PIK3CD: variants seen among roughly 807,000 people sequenced by gnomAD.
The protein encoded by PIK3CD is phosphatidylinositol 4,5-bisphosphate 3-kinase catalytic subunit delta isoform.
Under a neutral mutation model 122.9 loss-of-function variants are expected in PIK3CD, and 20 were observed. The observed-to-expected ratio is 0.16, with a 90% confidence interval of 0.11 to 0.24. PIK3CD has a LOEUF of 0.24. PIK3CD is among the 10% of genes least tolerant of loss of function. PIK3CD has a pLI of 1.00. For missense variants in PIK3CD, 787 were observed against 1,406.3 expected (o/e 0.56, Z 7.04); for synonymous variants, 596 against 593.4 (o/e 1.00, Z -0.06).
Position 9,652,134 on chromosome 1 carries a change from G to T in PIK3CD, c.-138+332G>T, listed in dbSNP as rs1050791204. ...GGCCCGGCAGCGGGGTTTCAGCTGC[G>T]CTCACAGCGGCGGTGCGGCCTCCGG... On this transcript the variant is annotated intron_variant, in intron 1 of 23. Transcript: ENST00000377346. The surrounding 1 kb of genome is among the most constrained non-coding windows in gnomAD (Gnocchi z 6.2). 2.0e-5 allele frequency among the ~76,000 whole-genome samples: 3 copies of T among 152,194 alleles called. No homozygotes were observed. The highest frequency in any genetic ancestry group is 2.9e-5 in the Non-Finnish European group (2 of 67,952).
the PIK3CD span, among the ~76,000 whole-genome samples, chr1:9,645,237 G>A: frequency 9.9e-5 from 15 of 151,726 alleles, no homozygotes; most frequent in African/African-American, 3.1e-4. Flanking sequence ...CAGTCTAGTC[G>A]CAAACTCCTG....
At chr1:9,643,601 T>C in the PIK3CD span, among the ~76,000 whole-genome samples, 10 of 152,162 alleles carry the variant, frequency 6.6e-5, no homozygotes, top group Non-Finnish European at 1.5e-4. Flanking sequence ...ATAACTAAGA[T>C]AGCTCAAAAA....
In PIK3CD at chr1:9,670,509, T is replaced by G. The variant is rs7545735; in HGVS notation, c.-138+18707T>G. ...AAGCAAGAGTTTTAGAATTACAGGC[T>G]TCATATCTTGGCTTTGACACTTAAC... On this transcript the variant is annotated intron_variant, in intron 1 of 23. Coordinates refer to ENST00000377346, the MANE Select transcript of PIK3CD (RefSeq NM_005026.5). Among the ~76,000 whole-genome samples the G allele has an allele frequency of 9.3e-3, 1,421 of 152,326 alleles. 20 individuals carry two copies. The highest frequency in any genetic ancestry group is 0.031 in the African/African-American group (1,303 of 41,578).
chr1:9,655,683 CTTT>C (rs1644832068), intron 1 of PIK3CD, among the ~76,000 whole-genome samples: 1 of 95,314 alleles, frequency 1.0e-5, no homozygotes, highest in African/African-American at 3.4e-5. Flanking sequence ...CTATTACTTT[CTTT>C]CTTTTTTCTT....
chr1:9,638,267 C>T, the PIK3CD span, among the ~76,000 whole-genome samples: 1 of 152,036 alleles, frequency 6.6e-6, no homozygotes, highest in Non-Finnish European at 1.5e-5. Flanking sequence ...GGCAACCGCC[C>T]AGATAGATTG....
chr1:9,726,378 G>A (rs1456170173), intron 23 of PIK3CD, among the ~76,000 whole-genome samples: 8 of 150,222 alleles, frequency 5.3e-5, no homozygotes, highest in East Asian at 4.0e-4. Context: ...GTGTGGTGGC[G>A]GCTGCCTGTA....
the PIK3CD span, among the ~76,000 whole-genome samples, chr1:9,643,380 C>T: frequency 2.7e-5 from 4 of 146,052 alleles, no homozygotes; most frequent in Admixed American, 2.1e-4. Flanking sequence ...TGCACTCCAG[C>T]CTGGGTGACA....
chr1:9,655,508 C>T (rs1302662951), intron 1 of PIK3CD, among the ~76,000 whole-genome samples: 6 of 132,828 alleles, frequency 4.5e-5, no homozygotes, highest in Admixed American at 8.3e-5. Context: ...ACCAAAATAA[C>T]GGCCATTCTC....
chr1:9,690,702 C>G (rs954219748), intron 1 of PIK3CD, among the ~76,000 whole-genome samples: 1 of 152,180 alleles, frequency 6.6e-6, no homozygotes, highest in Non-Finnish European at 1.5e-5. Flanking sequence ...TCCTGCAACC[C>G]ATGCCTTTTC....
At position 9,652,117 on chromosome 1, in the gene PIK3CD, A is replaced by G. The variant is rs78021484; in HGVS notation, c.-138+315A>G. On this transcript the variant is annotated intron_variant, in intron 1 of 23. Coordinates refer to ENST00000377346, the MANE Select transcript of PIK3CD (RefSeq NM_005026.5). The surrounding 1 kb of genome is among the most constrained non-coding windows in gnomAD (Gnocchi z 6.2). ...GCGCGCCTTGCCCGCCTGGCCCGGC[A>G]GCGGGGTTTCAGCTGCGCTCACAGC... 0.53 allele frequency among the ~76,000 whole-genome samples: 80,086 copies of G among 151,862 alleles called. 22,744 individuals are homozygous for G. Among genetic ancestry groups the G allele is most frequent in the East Asian group, 0.9 (4,599 of 5,138 alleles).
upstream of PIK3CD, chr1:9,651,679 T>TGGCGGC (rs1644673707): frequency 6.6e-6 from 1 of 151,536 alleles, no homozygotes; most frequent in African/African-American, 2.4e-5. Flanking sequence ...AGTGTGCGGG[T>TGGCGGC]TGGCGGCAGG....
intron 1 of PIK3CD, among the ~76,000 whole-genome samples, chr1:9,665,797 A>G (rs1645140559): frequency 6.6e-6 from 1 of 152,028 alleles, no homozygotes; most frequent in Admixed American, 6.6e-5. Flanking sequence ...TCTGTCACCC[A>G]GGCTGGAGTG....
intron 3 of PIK3CD, among the ~76,000 whole-genome samples, chr1:9,711,711 A>T (rs1348688757): frequency 6.6e-6 from 1 of 151,960 alleles, no homozygotes; most frequent in Admixed American, 6.6e-5. Flanking sequence ...AGTAGCTGGG[A>T]CTACAGGCAC....
the PIK3CD span, among the ~76,000 whole-genome samples, chr1:9,642,718 A>AC: frequency 3.4e-5 from 5 of 146,818 alleles, no homozygotes; most frequent in Non-Finnish European, 6.0e-5. Context: ...CTCTGTCTCA[A>AC]AAAAAAAAAA....
rs1253909515 is a variant in PIK3CD at position 9,700,313 on chromosome 1, G to C, written c.-33+8742G>C. Reference sequence around the variant, plus strand: ...AGCTGGGACGCCGTTCTTCCACCTTGGGCTCCAGAAAGAGCACCAAGGAGA... The same window carrying C: ...AGCTGGGACGCCGTTCTTCCACCTTCGGCTCCAGAAAGAGCACCAAGGAGA... On this transcript the variant is annotated intron_variant, in intron 2 of 23. Transcript: ENST00000377346. The surrounding 1 kb of genome is among the most constrained non-coding windows in gnomAD (Gnocchi z 5.1). Among the ~76,000 whole-genome samples, 1 of 151,978 alleles carries C rather than the reference G, an allele frequency of 6.6e-6. No homozygotes were observed. Among genetic ancestry groups the C allele is most frequent in the Non-Finnish European group, 1.5e-5 (1 of 68,004 alleles).
the PIK3CD span, among the ~76,000 whole-genome samples, chr1:9,634,103 C>CTGGGACCACAGGTG: frequency 5.3e-5 from 8 of 150,622 alleles, no homozygotes; most frequent in Admixed American, 4.6e-4. Flanking sequence ...TCCTGAGTAA[C>CTGGGACCACAGGTG]TGGGACCACA....
chr1:9,724,181 C>T lies in PIK3CD; in HGVS notation c.2718+89C>T. 6 of 1,613,382 alleles carry T rather than the reference C, an allele frequency of 3.7e-6. No individual in the cohort carries two copies. Among genetic ancestry groups the T allele is most frequent in the Non-Finnish European group, 5.1e-6 (6 of 1,179,848 alleles). On this transcript the variant is annotated intron_variant, in intron 21 of 23. Transcript: ENST00000377346. The surrounding 1 kb of genome is among the most constrained non-coding windows in gnomAD (Gnocchi z 7.3). ...CTCTGCCTAGCACACAGCTCTGTGGCAGGGGTCCCCCAGCCCTGCTGGCTT... is the reference window on the plus strand; with the variant it reads ...CTCTGCCTAGCACACAGCTCTGTGGTAGGGGTCCCCCAGCCCTGCTGGCTT...
Position 9,715,811 on chromosome 1 carries a change from C to T in PIK3CD, c.371-38C>T, listed in dbSNP as rs199926903. On this transcript the variant is annotated intron_variant, in intron 4 of 23. Coordinates refer to ENST00000377346, the MANE Select transcript of PIK3CD (RefSeq NM_005026.5). This position sits in a 1 kb window ranked among gnomAD's most constrained non-coding sequence, Gnocchi z 4.1. Reference sequence around the variant, plus strand: ...GGCCGTGTGGCCGGGCTGGCCCTGCCTGCCCCACCCGCTGACCCAGCCCTC... The same window carrying T: ...GGCCGTGTGGCCGGGCTGGCCCTGCTTGCCCCACCCGCTGACCCAGCCCTC... The T allele has an allele frequency of 1.3e-4, 214 of 1,611,774 alleles. 4 individuals are homozygous for T. The East Asian group carries it at 1.6e-3, about 12-fold the overall frequency.
At position 9,652,051 on chromosome 1, in the gene PIK3CD, C is replaced by T. The variant is rs1009236706; in HGVS notation, c.-138+249C>T. On this transcript the variant is annotated intron_variant, in intron 1 of 23. Coordinates refer to ENST00000377346, the MANE Select transcript of PIK3CD (RefSeq NM_005026.5). This position sits in a 1 kb window ranked among gnomAD's most constrained non-coding sequence, Gnocchi z 6.2. ...GAGGCCCGGGGCCGTCCCCCGTGGG[C>T]CCGCCGAGAGGGGCGTGCGCAGCTC... is the stretch of plus-strand genomic sequence containing the variant. Among the ~76,000 whole-genome samples the T allele has an allele frequency of 2.6e-5, 4 of 151,838 alleles. No homozygotes were observed. Among genetic ancestry groups the T allele is most frequent in the Admixed American group, 1.3e-4 (2 of 15,254 alleles).
Sources: allele counts gnomAD v4.1 joint callset (sites outside exome capture counted in the v4.1 genomes callset), GRCh38; gene constraint gnomAD v4.1.1; non-coding constraint Gnocchi (gnomAD v3.1); transcripts MANE v1.5; gene names NCBI Gene and HGNC (gene_info 2026-07-23, HGNC 2026-07-21).